The following SHC3 variants were observed in gnomAD, a reference collection of about 807,000 sequenced individuals.
SHC3 encodes SHC-transforming protein 3.
A neutral mutation model predicts 60.4 loss-of-function variants in SHC3; 15 were observed. That is an observed-to-expected ratio of 0.25 (90% CI 0.17 to 0.38). SHC3 has a LOEUF of 0.38. SHC3 is among the 10% of genes least tolerant of loss of function. The pLI, the probability that SHC3 is intolerant of heterozygous loss-of-function variation, is 1.00. For missense variants in SHC3, 677 were observed against 786.1 expected (o/e 0.86, Z 1.66); for synonymous variants, 294 against 325.9 (o/e 0.90, Z 1.05).
chr9:89,142,417 C>G (rs1826406146), intron 1 of SHC3, among the ~76,000 whole-genome samples: 2 of 151,664 alleles, frequency 1.3e-5, no homozygotes, highest in African/African-American at 4.8e-5. Context: ...AAAAATTAGC[C>G]AGGTGTGGTG....
At chr9:89,153,843 G>A (rs547588121) in intron 1 of SHC3, among the ~76,000 whole-genome samples, 1 of 152,328 alleles carries the variant, frequency 6.6e-6, no homozygotes, top group South Asian at 2.1e-4. Flanking sequence ...GTGAGCTCTG[G>A]GTTTAACAGT....
In SHC3 at chr9:89,153,441, G is replaced by A. The variant is rs535425976; in HGVS notation, c.474+24546C>T. ...CATCCATGCTGCTCTCACTCACAGC[G>A]TTTCATCCACGCTGCTCTCACTCAG... On this transcript the variant is annotated intron_variant, in intron 1 of 11. Transcript: ENST00000375835. Among the ~76,000 whole-genome samples the A allele has an allele frequency of 3.3e-5, 5 of 152,208 alleles. No homozygotes were observed. In the East Asian group the frequency reaches 5.8e-4, roughly 18 times the overall value.
intron 2 of SHC3, chr9:89,109,871 T>G (rs557941387): frequency 1.0e-6 from 1 of 985,352 alleles, no homozygotes; most frequent in African/African-American, 1.7e-5. Context: ...GTCTCTCCCA[T>G]GAAACATCCA....
chr9:89,061,073 A>G lies in SHC3; in HGVS notation c.835+4456T>C, dbSNP rs185707489. On this transcript the variant is annotated intron_variant, in intron 6 of 11. Transcript: ENST00000375835. ...AAAATATGTTCAGCATTCTCAGCCC[A>G]GGCATGGTACGTAAAGCACAGAGCC... is the stretch of plus-strand genomic sequence containing the variant. 4.6e-3 allele frequency among the ~76,000 whole-genome samples: 697 copies of G among 152,312 alleles called. 19 individuals carry two copies. The highest frequency in any genetic ancestry group is 0.04 in the Admixed American group (613 of 15,298).
intron 6 of SHC3, among the ~76,000 whole-genome samples, chr9:89,056,371 C>G (rs7042914): frequency 6.6e-6 from 1 of 152,038 alleles, no homozygotes; most frequent in Non-Finnish European, 1.5e-5. Flanking sequence ...CTCAGCCTCC[C>G]GAGTAGGTGG....
At chr9:89,020,419 C>A (rs910469806) in intron 11 of SHC3, among the ~76,000 whole-genome samples, 1 of 152,096 alleles carries the variant, frequency 6.6e-6, no homozygotes, top group African/African-American at 2.4e-5. Context: ...AACAGCAGGT[C>A]TGACTTGTCA....
intron 2 of SHC3, chr9:89,109,027 T>C (rs1408952112): frequency 1.0e-6 from 1 of 984,100 alleles, no homozygotes; most frequent in African/African-American, 1.7e-5. Context: ...TCTCTGAGGT[T>C]CCAAGGAGGC....
intron 2 of SHC3, among the ~76,000 whole-genome samples, chr9:89,083,786 C>T (rs1825484468): frequency 2.0e-5 from 3 of 152,158 alleles, no homozygotes; most frequent in African/African-American, 7.2e-5. Flanking sequence ...GGGTCATTTT[C>T]TCCATCCCGA....
At chr9:89,031,345 A>T (rs367697876) in intron 11 of SHC3, among the ~76,000 whole-genome samples, 5 of 152,304 alleles carry the variant, frequency 3.3e-5, no homozygotes, top group African/African-American at 1.2e-4. Context: ...GAACATTTTC[A>T]TCACCATAAA....
intron 1 of SHC3, among the ~76,000 whole-genome samples, chr9:89,160,937 C>A (rs1452872090): frequency 6.6e-6 from 1 of 152,164 alleles, no homozygotes; most frequent in Admixed American, 6.5e-5. Context: ...TGTTCTTAAT[C>A]CCCAGCAGTA....
intron 6 of SHC3, among the ~76,000 whole-genome samples, chr9:89,055,347 T>G (rs564166023): frequency 2.4e-4 from 37 of 152,352 alleles, no homozygotes; most frequent in Admixed American, 7.8e-4. Flanking sequence ...AGTAAACTGG[T>G]GTGAGGCTTG....
chr9:89,049,286 C>T (rs1415412750), intron 7 of SHC3, among the ~76,000 whole-genome samples: 1 of 151,762 alleles, frequency 6.6e-6, no homozygotes, highest in African/African-American at 2.4e-5. Context: ...CAAAACAAAA[C>T]AAAACAAAAC....
intron 1 of SHC3, among the ~76,000 whole-genome samples, chr9:89,123,396 C>T (rs929742962): frequency 6.6e-6 from 1 of 152,266 alleles, no homozygotes; most frequent in East Asian, 1.9e-4. Flanking sequence ...CTGGAACCTC[C>T]CTCCTCAATG....
intron 6 of SHC3, among the ~76,000 whole-genome samples, chr9:89,060,630 G>A (rs1339675617): frequency 1.3e-5 from 2 of 151,996 alleles, no homozygotes; most frequent in Non-Finnish European, 1.5e-5. Flanking sequence ...GATGGAGTGG[G>A]AGTGAGCTCA....
At chr9:89,173,441 C>A (rs1157881598) in intron 1 of SHC3, among the ~76,000 whole-genome samples, 1 of 152,238 alleles carries the variant, frequency 6.6e-6, no homozygotes, top group African/African-American at 2.4e-5. Flanking sequence ...AGGTAAGACA[C>A]CGTGCGGAGG....
chr9:89,132,706 C>T (rs369372125), intron 1 of SHC3, among the ~76,000 whole-genome samples: 9 of 152,058 alleles, frequency 5.9e-5, no homozygotes, highest in Admixed American at 6.6e-5. Context: ...TGGCTAGCCA[C>T]ATGTAGAAAG....
At chr9:89,032,895 T>A (rs1423276210) in intron 11 of SHC3, among the ~76,000 whole-genome samples, 1 of 152,222 alleles carries the variant, frequency 6.6e-6, no homozygotes, top group Non-Finnish European at 1.5e-5. Flanking sequence ...CCTATTTTGG[T>A]GTCCCCACAG....
intron 4 of SHC3, among the ~76,000 whole-genome samples, chr9:89,072,791 G>A (rs77701654): frequency 5.3e-5 from 8 of 152,090 alleles, no homozygotes; most frequent in South Asian, 2.1e-4. Context: ...CCTTGTCCTC[G>A]GGCAGGCAGT....
chr9:89,060,771 G>A (rs182295431), intron 6 of SHC3, among the ~76,000 whole-genome samples: 306 of 152,232 alleles, frequency 2.0e-3, no homozygotes, highest in African/African-American at 7.0e-3. Context: ...GTGGAAGAGC[G>A]GGCACAGAGT....
Sources: gnomAD v4.1 joint callset for allele counts (sites outside exome capture counted in the v4.1 genomes callset) on GRCh38, gnomAD v4.1.1 for gene constraint, MANE v1.5 for transcripts, NCBI Gene and HGNC (gene_info 2026-07-23, HGNC 2026-07-21) for gene names.